KANSL1L: variants seen among roughly 807,000 people sequenced by gnomAD.
The protein encoded by KANSL1L is KAT8 regulatory NSL complex subunit 1-like protein.
Under a neutral mutation model 108.6 loss-of-function variants are expected in KANSL1L, and 25 were observed. The observed-to-expected ratio is 0.23, with a 90% CI of 0.17 to 0.32. The LOEUF is 0.32. KANSL1L is among the 10% of genes least tolerant of loss of function. The pLI, the probability that KANSL1L is intolerant of heterozygous loss-of-function variation, is 1.00. For missense variants in KANSL1L, 1,137 were observed against 1,125.7 expected (o/e 1.01, Z -0.14); for synonymous variants, 405 against 395.1 (o/e 1.03, Z -0.30).
At chr2:210,026,235 A>G (rs947536813) in intron 12 of KANSL1L, 1 of 152,202 alleles carries the variant, frequency 6.6e-6, no homozygotes, top group African/African-American at 2.4e-5. Flanking sequence ...GGACATAGAA[A>G]GATTGTTACT....
chr2:210,131,512 G>GA (rs1405983916), intron 2 of KANSL1L, among the ~76,000 whole-genome samples: 8 of 151,660 alleles, frequency 5.3e-5, no homozygotes, highest in South Asian at 2.1e-4. Flanking sequence ...AAATATAACA[G>GA]AAAAAAATGC....
intron 1 of KANSL1L, among the ~76,000 whole-genome samples, chr2:210,157,477 T>G (rs1407078785): frequency 6.6e-6 from 1 of 151,920 alleles, no homozygotes; most frequent in Non-Finnish European, 1.5e-5. Flanking sequence ...GAAGGATTGC[T>G]GGAGCCCTGG....
chr2:210,112,407 A>G (rs1275628350), intron 3 of KANSL1L, among the ~76,000 whole-genome samples: 1 of 152,200 alleles, frequency 6.6e-6, no homozygotes, highest in African/African-American at 2.4e-5. Context: ...TTGACAGTAG[A>G]CTTCTCCTCA....
At chr2:210,168,285 G>T (rs1688106436) in intron 1 of KANSL1L, among the ~76,000 whole-genome samples, 1 of 152,006 alleles carries the variant, frequency 6.6e-6, no homozygotes, top group African/African-American at 2.4e-5. Flanking sequence ...GAAGAAAGCA[G>T]CTCTCTGCCT....
At chr2:210,058,982 C>A (rs2094389997) in intron 6 of KANSL1L, among the ~76,000 whole-genome samples, 1 of 151,844 alleles carries the variant, frequency 6.6e-6, no homozygotes, top group African/African-American at 2.4e-5. Flanking sequence ...CCGGCTGACA[C>A]TTAGGGAAAA....
At chr2:210,170,833 T>G (rs1415469768) in intron 1 of KANSL1L, among the ~76,000 whole-genome samples, 3 of 152,208 alleles carry the variant, frequency 2.0e-5, no homozygotes, top group South Asian at 4.1e-4. Flanking sequence ...AAGGGAGGTC[T>G]GCCAAGCCCC....
chr2:210,133,399 GAATAC>G (rs2095144536), intron 2 of KANSL1L, among the ~76,000 whole-genome samples: 1 of 151,842 alleles, frequency 6.6e-6, no homozygotes, highest in Non-Finnish European at 1.5e-5. Context: ...CAGAACCTGG[GAATAC>G]AGAGAATGGT....
chr2:210,119,524 A>G (rs6759127), intron 3 of KANSL1L, among the ~76,000 whole-genome samples: 15 of 152,226 alleles, frequency 9.9e-5, no homozygotes, highest in African/African-American at 3.6e-4. Context: ...GGGCGCAAAG[A>G]TGGTTCAACA....
chr2:210,170,020 C>T (rs1022639913), intron 1 of KANSL1L, among the ~76,000 whole-genome samples: 2 of 152,184 alleles, frequency 1.3e-5, no homozygotes, highest in African/African-American at 4.8e-5. Context: ...AGAGAGGTGA[C>T]TAACCCAAAG....
intron 3 of KANSL1L, among the ~76,000 whole-genome samples, chr2:210,112,792 C>A (rs2094921245): frequency 6.6e-6 from 1 of 152,166 alleles, no homozygotes; most frequent in Non-Finnish European, 1.5e-5. Flanking sequence ...TGTCACCCCA[C>A]CTAGACACCA....
chr2:210,129,106 A>G lies in KANSL1L; in HGVS notation c.1155T>C (p.Leu385=), dbSNP rs754748947. 8 of 1,613,926 alleles carry G rather than the reference A, an allele frequency of 5.0e-6. No homozygotes were observed. The highest frequency in any genetic ancestry group is 3.3e-4 in the Middle Eastern group (2 of 6,062). ...RARVGSRWTW[L]QAQISDLECK... The stretch of plus-strand genomic sequence containing the variant: ...ATTCTAGGTCTGAAATCTGAGCTTG[A>G]AGCCAAGTCCATCGGCTGCCAACTC... Residue 385 remains leucine (L), a synonymous_variant, in exon 3 of 15, where the codon CTT becomes CTC. Coordinates refer to ENST00000281772, the MANE Select transcript of KANSL1L (RefSeq NM_152519.4).
At chr2:210,103,386 G>A (rs962558647) in intron 4 of KANSL1L, among the ~76,000 whole-genome samples, 1 of 152,122 alleles carries the variant, frequency 6.6e-6, no homozygotes, top group Admixed American at 6.5e-5. Flanking sequence ...GAGTTAATGG[G>A]TGCAGCACAC....
At chr2:210,151,772 G>A (rs1226870094) in intron 2 of KANSL1L, 2 of 152,044 alleles carry the variant, frequency 1.3e-5, no homozygotes, top group Admixed American at 6.6e-5. Flanking sequence ...AATAATCTGC[G>A]CTTATTAACT....
intron 6 of KANSL1L, among the ~76,000 whole-genome samples, chr2:210,056,081 T>C (rs2094347201): frequency 6.6e-6 from 1 of 152,228 alleles, no homozygotes; most frequent in Non-Finnish European, 1.5e-5. Flanking sequence ...TGGGGTGTGG[T>C]GCCTGCATCC....
intron 6 of KANSL1L, among the ~76,000 whole-genome samples, chr2:210,061,057 T>C (rs2094414668): frequency 6.6e-6 from 1 of 152,250 alleles, no homozygotes; most frequent in South Asian, 2.1e-4. Context: ...CAACCATTTC[T>C]ACTTTTATTA....
chr2:210,126,465 C>G (rs988021779), intron 3 of KANSL1L, among the ~76,000 whole-genome samples: 6 of 152,014 alleles, frequency 3.9e-5, no homozygotes, highest in African/African-American at 1.4e-4. Flanking sequence ...AAAAACTTAT[C>G]CTAAAGGTCA....
chr2:210,127,987 AAGCCAAGCCAGT>A (rs1274526559), intron 3 of KANSL1L, among the ~76,000 whole-genome samples: 3 of 152,088 alleles, frequency 2.0e-5, no homozygotes, highest in African/African-American at 7.2e-5. Context: ...AGATATCCAA[AAGCCAAGCCAGT>A]AGCACATGAA....
At chr2:210,164,435 G>A (rs920764188) in intron 1 of KANSL1L, among the ~76,000 whole-genome samples, 2 of 151,980 alleles carry the variant, frequency 1.3e-5, no homozygotes, top group Non-Finnish European at 2.9e-5. Context: ...ACATAATTGG[G>A]CAGGAGTATT....
chr2:210,099,172 T>C (rs2094768819), intron 4 of KANSL1L, among the ~76,000 whole-genome samples: 1 of 152,152 alleles, frequency 6.6e-6, no homozygotes, highest in Non-Finnish European at 1.5e-5. Context: ...TGAGTGTACA[T>C]TCAACATGAA....
Sources: allele counts gnomAD v4.1 joint callset (sites outside exome capture counted in the v4.1 genomes callset), GRCh38; gene constraint gnomAD v4.1.1; transcripts MANE v1.5; gene names NCBI Gene and HGNC (gene_info 2026-07-23, HGNC 2026-07-21).